The following ZNF546 variants were observed in gnomAD, a reference collection of about 807,000 sequenced individuals.
ZNF546 encodes the protein zinc finger protein 546.
ZNF546 carries 60 observed loss-of-function variants against 76.2 expected under a neutral mutation model. The observed-to-expected ratio is 0.79, with a 90% CI of 0.64 to 0.98. The LOEUF (loss-of-function observed/expected upper bound fraction) is 0.98. Ranked by LOEUF, ZNF546 falls within the 50% of genes least tolerant of loss-of-function variation. The pLI, the probability that ZNF546 is intolerant of heterozygous loss-of-function variation, is 0.00. For missense variants in ZNF546, 936 were observed against 1,035.6 expected, an observed-to-expected ratio of 0.90 and a Z score of 1.32; for synonymous variants, 277 against 328.1, an observed-to-expected ratio of 0.84 and a Z score of 1.68.
At position 40,004,916 on chromosome 19, in the gene ZNF546, T is replaced by A. The variant is rs146990151; in HGVS notation, c.85-1180T>A. 6.0e-5 allele frequency among the ~76,000 whole-genome samples: 9 copies of A among 150,640 alleles called. No individual in the cohort carries two copies. The East Asian group carries it at 1.7e-3, about 29-fold the overall frequency. Reference sequence around the variant, plus strand: ...ACTTATCTAACCAGTCAGCTATTGCTGGACTCAGAATGCTGAATTCTACCT... The same window carrying A: ...ACTTATCTAACCAGTCAGCTATTGCAGGACTCAGAATGCTGAATTCTACCT... On this transcript the variant is annotated intron_variant, in intron 3 of 6. Coordinates refer to ENST00000347077, the MANE Select transcript of ZNF546 (RefSeq NM_178544.5).
intron 5 of ZNF546, 104 bp downstream of exon 5, chr19:40,007,504 A>G (rs988394582): frequency 1.1e-5 from 13 of 1,213,236 alleles, no homozygotes; most frequent in Admixed American, 3.0e-5. Context: ...TGACACCCCT[A>G]TTTCTAAAGT....
chr19:40,005,030 T>C (rs1971586515), intron 3 of ZNF546, among the ~76,000 whole-genome samples: 1 of 143,716 alleles, frequency 7.0e-6, no homozygotes, highest in African/African-American at 2.6e-5. Context: ...TTTTTTTTTT[T>C]TTTTTTGAGA....
intron 3 of ZNF546, chr19:39,999,580 A>C (rs915687321): frequency 7.0e-6 from 1 of 143,850 alleles, no homozygotes; most frequent in Non-Finnish European, 1.5e-5. Flanking sequence ...TTTTAGCAAG[A>C]TTTTTTTTTT....
At chr19:39,998,826 G>C (rs938782285) in intron 3 of ZNF546, among the ~76,000 whole-genome samples, 1 of 152,148 alleles carries the variant, frequency 6.6e-6, no homozygotes, top group African/African-American at 2.4e-5. Context: ...AGGCTGGAGT[G>C]CAATGGCATG....
In ZNF546 at chr19:40,007,274, G is replaced by A; in HGVS notation, c.172G>A (p.Val58Ile). The change falls in exon 5 of 7, where the codon GTA becomes ATA. Residue 58 changes from valine to isoleucine, a missense_variant and splice_region_variant. Transcript: ENST00000347077. The part of the protein sequence containing the change: ...SSCGSKTMAN[V>I]SLAFRDVSID... ...TTAATACATAGGCTTGTCATTTCAGGTATCTTTGGCATTTAGGGATGTGTC... is the reference window on the plus strand; with the variant it reads ...TTAATACATAGGCTTGTCATTTCAGATATCTTTGGCATTTAGGGATGTGTC... The A allele has an allele frequency of 1.3e-6, 2 of 1,533,670 alleles. No homozygotes were observed. Among genetic ancestry groups the A allele is most frequent in the Non-Finnish European group, 1.8e-6 (2 of 1,138,522 alleles).
Position 40,016,556 on chromosome 19 carries a change from AAAG to A in ZNF546, c.*778_*780del. The A allele has an allele frequency of 6.6e-6, 1 of 152,196 alleles. No individual in the cohort carries two copies. Among genetic ancestry groups the A allele is most frequent in the East Asian group, 1.9e-4 (1 of 5,200 alleles). 9.4% of individuals were successfully genotyped at this position (152,196 alleles called of 1,614,324 possible). A position where few individuals can be genotyped will look rare whatever the true frequency, so the allele number is the denominator to read the frequency against. The stretch of plus-strand genomic sequence containing the variant: ...AATAAATAGATTACCAGAAAAATGA[AAAG>A]AAAAAAACAGACATACAAAATAAAA... On this transcript the variant is annotated 3_prime_UTR_variant, in exon 7 of 7. Transcript: ENST00000347077.
At position 40,020,684 on chromosome 19, in the gene ZNF546, A is replaced by T. The variant is rs968198060; in HGVS notation, c.*4903A>T. 3 of 152,166 alleles carry T rather than the reference A, an allele frequency of 2.0e-5. No individual in the cohort carries two copies. Among genetic ancestry groups the T allele is most frequent in the African/African-American group, 7.2e-5 (3 of 41,438 alleles). 9.4% of individuals were successfully genotyped at this position (152,166 alleles called of 1,614,324 possible). ...TTTGCTTAATTTTATCTAGTGCATG[A>T]TAAACTTTACTAAGGAAGTCTCATT... On this transcript the variant is annotated 3_prime_UTR_variant, in exon 7 of 7. Transcript: ENST00000347077.
Position 39,998,350 on chromosome 19 carries a change from C to T in ZNF546, c.24C>T (p.His8=), listed in dbSNP as rs563302788. The change falls in exon 3 of 7, where the codon CAC becomes CAT. Residue 8 remains histidine (H), a synonymous_variant. Coordinates refer to ENST00000347077, the MANE Select transcript of ZNF546 (RefSeq NM_178544.5). MQVDPPL[H]GPPNDFLIFQ... ...CCATGCAGGTGGACCCTCCTCTTCA[C>T]GGGCCTCCAAATGACTTTCTCATTT... 20 of 1,614,136 alleles carry T rather than the reference C, an allele frequency of 1.2e-5. No individual in the cohort carries two copies. The East Asian group carries it at 3.3e-4, about 27-fold the overall frequency.
chr19:40,001,322 A>C (rs1358966873), intron 3 of ZNF546, among the ~76,000 whole-genome samples: 1 of 151,966 alleles, frequency 6.6e-6, no homozygotes, highest in African/African-American at 2.4e-5. Context: ...ATGTTGAAGA[A>C]TGATGTCCCC....
intron 3 of ZNF546, among the ~76,000 whole-genome samples, chr19:40,000,834 G>C (rs1436282789): frequency 6.6e-6 from 1 of 151,906 alleles, no homozygotes; most frequent in East Asian, 1.9e-4. Flanking sequence ...GAGGGAGATG[G>C]TTTCAGGATG....
chr19:40,003,985 C>T (rs1971563934), intron 3 of ZNF546, among the ~76,000 whole-genome samples: 1 of 147,234 alleles, frequency 6.8e-6, no homozygotes. Flanking sequence ...ACACTCCAGC[C>T]TGGGTGACAG....
chr19:40,008,481 C>A lies in ZNF546; in HGVS notation c.310C>A (p.Pro104Thr). Residue 104 changes from proline (P) to threonine (T), a missense_variant, in exon 6 of 7, where the codon CCT becomes ACT. Coordinates refer to ENST00000347077, the MANE Select transcript of ZNF546 (RefSeq NM_178544.5). ...TTTCTCATGAGCAGGATATACCATT[C>A]CTAAGCCAGATGTGATTACTTTATT... is the stretch of plus-strand genomic sequence containing the variant. ...SNLVSLGYTI[P>T]KPDVITLLEQ... 1 of 1,608,672 alleles carries A rather than the reference C, an allele frequency of 6.2e-7. No homozygotes were observed. The highest frequency in any genetic ancestry group is 8.5e-7 in the Non-Finnish European group (1 of 1,176,382).
chr19:40,006,688 C>T (rs997562181), intron 4 of ZNF546, among the ~76,000 whole-genome samples: 1 of 152,242 alleles, frequency 6.6e-6, no homozygotes, highest in Admixed American at 6.5e-5. Context: ...CTAATGATGG[C>T]TGGAAATAGG....
chr19:40,014,093 T>C lies in ZNF546; in HGVS notation c.823T>C (p.Cys275Arg). The change falls in exon 7 of 7, where the codon TGT (cysteine) becomes CGT (arginine). Residue 275 changes from cysteine to arginine, a missense_variant. Coordinates refer to ENST00000347077, the MANE Select transcript of ZNF546 (RefSeq NM_178544.5). ...CCATGCTGGGGAGAGACCCTATGAA[T>C]GTAAAGAATGTGGGAAGGCCTTTAG... Reference protein sequence around the residue: ...TIHAGERPYECKECGKAFRLH... With the variant: ...TIHAGERPYERKECGKAFRLH... 3 of 1,613,834 alleles carry C rather than the reference T, an allele frequency of 1.9e-6. No homozygotes were observed. Among genetic ancestry groups the C allele is most frequent in the Non-Finnish European group, 2.5e-6 (3 of 1,179,774 alleles).
In ZNF546 at chr19:40,014,464, A is replaced by C. The variant is rs758648271; in HGVS notation, c.1194A>C (p.Ser398=). Residue 398 remains serine, a synonymous_variant, in exon 7 of 7, where the codon TCA becomes TCC. Transcript: ENST00000347077. ...NECGKAFSHG[S]YLVQHQKIHT... The stretch of plus-strand genomic sequence containing the variant: ...GTGGGAAGGCCTTTAGTCATGGCTC[A>C]TACCTTGTTCAACATCAGAAAATTC... 2 of 1,612,000 alleles carry C rather than the reference A, an allele frequency of 1.2e-6. No homozygotes were observed. Among genetic ancestry groups the C allele is most frequent in the East Asian group, 4.5e-5 (2 of 44,702 alleles).
At chr19:39,997,941 A>G (rs1971475894) in intron 2 of ZNF546, 26 bp downstream of exon 2, 2 of 169,442 alleles carry the variant, frequency 1.2e-5, no homozygotes, top group South Asian at 3.6e-4. Context: ...CTTTTTATTC[A>G]TAAAATGGAA....
Position 40,019,225 on chromosome 19 carries a change from T to G in ZNF546, c.*3444T>G, listed in dbSNP as rs1190476944. On this transcript the variant is annotated 3_prime_UTR_variant, in exon 7 of 7. Transcript: ENST00000347077. ...TGTGCTCAGTGAAAAATCAGTAACC[T>G]GTTAATATATTCAGGAAACAAATAT... 6.6e-6 allele frequency: 1 copy of G among 152,218 alleles called. No individual in the cohort carries two copies. Among genetic ancestry groups the G allele is most frequent in the African/African-American group, 2.4e-5 (1 of 41,464 alleles). 9.4% of individuals were successfully genotyped at this position (152,218 alleles called of 1,614,324 possible).
At chr19:40,002,441 G>GA (rs993800834) in intron 3 of ZNF546, among the ~76,000 whole-genome samples, 39 of 152,274 alleles carry the variant, frequency 2.6e-4, no homozygotes, top group African/African-American at 9.1e-4. Context: ...TACAAGAACT[G>GA]AAAACACATA....
At chr19:39,998,601 T>C (rs1971486115) in intron 3 of ZNF546, 191 bp downstream of exon 3, 1 of 550,816 alleles carries the variant, frequency 1.8e-6, no homozygotes, top group Admixed American at 3.1e-5. Context: ...TTAAGGCTTT[T>C]AGAAGTGGGA....
Sources: gnomAD v4.1 joint callset for allele counts (sites outside exome capture counted in the v4.1 genomes callset) on GRCh38, gnomAD v4.1.1 for gene constraint, MANE v1.5 for transcripts, NCBI Gene and HGNC (gene_info 2026-07-23, HGNC 2026-07-21) for gene names.